PTCHD4: variants seen among roughly 807,000 people sequenced by gnomAD.
PTCHD4 encodes patched domain containing 4.
PTCHD4 carries 33 observed loss-of-function variants against 58.1 expected under a neutral mutation model. The observed-to-expected ratio is 0.57, with a 90% CI of 0.43 to 0.76. The LOEUF (loss-of-function observed/expected upper bound fraction) is 0.76. PTCHD4 is among the 30% of genes least tolerant of loss of function. The pLI is 0.00. For synonymous variants in PTCHD4, 478 were observed against 409.6 expected (o/e 1.17, Z -2.02); for missense variants, 1,058 against 1,027.1 (o/e 1.03, Z -0.41).
intron 1 of PTCHD4, among the ~76,000 whole-genome samples, chr6:48,081,946 G>A (rs889637048): frequency 6.6e-6 from 1 of 152,172 alleles, no homozygotes; most frequent in Non-Finnish European, 1.5e-5. Context: ...CCAGGGTTTA[G>A]GAGTTACTGA....
At chr6:48,057,030 G>A (rs990871819) in intron 3 of PTCHD4, among the ~76,000 whole-genome samples, 16 of 152,020 alleles carry the variant, frequency 1.1e-4, no homozygotes, top group Admixed American at 1.0e-3. Context: ...ATTTAACTGG[G>A]TGTCCTGTAT....
chr6:48,108,214 A>T (rs1389043319), intron 1 of PTCHD4, among the ~76,000 whole-genome samples: 3 of 152,228 alleles, frequency 2.0e-5, no homozygotes, highest in Non-Finnish European at 2.9e-5. Context: ...ATGTCCAACA[A>T]TGATGGACTG....
At chr6:47,882,613 T>TG (rs2114104498) in intron 4 of PTCHD4, among the ~76,000 whole-genome samples, 1 of 151,802 alleles carries the variant, frequency 6.6e-6, no homozygotes, top group South Asian at 2.1e-4. Context: ...CTTAGCTTTG[T>TG]TTATGTTATT....
chr6:47,916,016 TGA>T (rs1223412729), intron 4 of PTCHD4, among the ~76,000 whole-genome samples: 2 of 152,076 alleles, frequency 1.3e-5, no homozygotes, highest in African/African-American at 2.4e-5. Flanking sequence ...AGAGGTTTCT[TGA>T]GAGAGTGTGA....
chr6:47,995,145 T>G (rs1157199502), intron 4 of PTCHD4, among the ~76,000 whole-genome samples: 1 of 152,162 alleles, frequency 6.6e-6, no homozygotes, highest in Non-Finnish European at 1.5e-5. Context: ...AAAGAATGTG[T>G]GGTAGTCCCA....
At chr6:47,923,142 TGTCA>T (rs1765486328) in intron 4 of PTCHD4, among the ~76,000 whole-genome samples, 2 of 152,188 alleles carry the variant, frequency 1.3e-5, no homozygotes, top group South Asian at 4.1e-4. Context: ...CTGACTCTTC[TGTCA>T]GTCATTAGTT....
intron 4 of PTCHD4, among the ~76,000 whole-genome samples, chr6:47,962,829 C>CAAAAA (rs200073541): frequency 8.8e-6 from 1 of 113,364 alleles, no homozygotes; most frequent in Admixed American, 9.2e-5. Context: ...TACAACTCAG[C>CAAAAA]AAAAAAAAAA....
chr6:47,944,088 T>C (rs1162243221), intron 4 of PTCHD4, among the ~76,000 whole-genome samples: 1 of 152,052 alleles, frequency 6.6e-6, no homozygotes, highest in Non-Finnish European at 1.5e-5. Context: ...AGTAGATGAT[T>C]TTGAAAGAAT....
At chr6:47,943,557 T>C (rs899135268) in intron 4 of PTCHD4, among the ~76,000 whole-genome samples, 1 of 152,138 alleles carries the variant, frequency 6.6e-6, no homozygotes, top group Non-Finnish European at 1.5e-5. Flanking sequence ...TTTAAATACA[T>C]TTCTCAAGCT....
chr6:48,062,831 T>A (rs1764676480), intron 3 of PTCHD4, among the ~76,000 whole-genome samples: 1 of 152,214 alleles, frequency 6.6e-6, no homozygotes, highest in Non-Finnish European at 1.5e-5. Context: ...ATCTACTATG[T>A]GGTAGAATGG....
At chr6:47,967,193 A>T (rs1767326983) in intron 4 of PTCHD4, among the ~76,000 whole-genome samples, 1 of 152,208 alleles carries the variant, frequency 6.6e-6, no homozygotes, top group Non-Finnish European at 1.5e-5. Flanking sequence ...AAGCATACAA[A>T]CAATAATCAT....
At chr6:47,963,901 A>G (rs1581942188) in intron 4 of PTCHD4, among the ~76,000 whole-genome samples, 1 of 152,234 alleles carries the variant, frequency 6.6e-6, no homozygotes, top group African/African-American at 2.4e-5. Context: ...CTCTCAAGCA[A>G]GCAAATACCC....
chr6:48,099,275 C>A (rs1330056381), intron 1 of PTCHD4, among the ~76,000 whole-genome samples: 1 of 152,174 alleles, frequency 6.6e-6, no homozygotes, highest in South Asian at 2.1e-4. Context: ...CAGTTGCTAG[C>A]GTGCTGGACA....
chr6:48,024,141 C>T (rs1763162184), intron 3 of PTCHD4, among the ~76,000 whole-genome samples: 1 of 152,152 alleles, frequency 6.6e-6, no homozygotes, highest in African/African-American at 2.4e-5. Flanking sequence ...AGCACCCTGT[C>T]TGTTATTTTG....
chr6:47,958,529 G>T (rs983041908), intron 4 of PTCHD4, among the ~76,000 whole-genome samples: 1 of 152,182 alleles, frequency 6.6e-6, no homozygotes, highest in African/African-American at 2.4e-5. Flanking sequence ...CATGTTAATG[G>T]GAGGGGAACA....
intron 4 of PTCHD4, among the ~76,000 whole-genome samples, chr6:47,978,685 C>T (rs1254855916): frequency 6.6e-6 from 1 of 152,112 alleles, no homozygotes; most frequent in African/African-American, 2.4e-5. Context: ...TGAGACAGAT[C>T]TTACTATCCC....
chr6:47,968,594 C>G (rs986615899), intron 4 of PTCHD4, among the ~76,000 whole-genome samples: 6 of 152,320 alleles, frequency 3.9e-5, no homozygotes, highest in African/African-American at 1.4e-4. Flanking sequence ...TGGCCACTCT[C>G]TAGCCTAATG....
chr6:48,089,555 C>T (rs1356716905), intron 1 of PTCHD4, among the ~76,000 whole-genome samples: 2 of 151,622 alleles, frequency 1.3e-5, no homozygotes, highest in Non-Finnish European at 2.9e-5. Flanking sequence ...CTTTTGAAAA[C>T]TAATGTATAG....
intron 4 of PTCHD4, among the ~76,000 whole-genome samples, chr6:47,961,071 G>C (rs1340495613): frequency 6.7e-6 from 1 of 149,680 alleles, no homozygotes; most frequent in Non-Finnish European, 1.5e-5. Context: ...AGCACTTACC[G>C]CAACATATCA....
Sources: gnomAD v4.1 joint callset for allele counts (sites outside exome capture counted in the v4.1 genomes callset) on GRCh38, gnomAD v4.1.1 for gene constraint, MANE v1.5 for transcripts, NCBI Gene and HGNC (gene_info 2026-07-23, HGNC 2026-07-21) for gene names.